NUMB: variants seen among roughly 807,000 people sequenced by gnomAD.
NUMB encodes NUMB endocytic adaptor protein.
A neutral mutation model predicts 59.7 loss-of-function variants in NUMB; 29 were observed. The observed-to-expected ratio is 0.49, with a 90% CI of 0.36 to 0.66. The LOEUF (loss-of-function observed/expected upper bound fraction) is 0.66. NUMB is among the 30% of genes least tolerant of loss of function. The pLI is 0.00. For synonymous variants in NUMB, 288 were observed against 288.2 expected, an observed-to-expected ratio of 1.00 and a Z score of 0.01; for missense variants, 723 against 822.0, an observed-to-expected ratio of 0.88 and a Z score of 1.47.
At position 73,357,070 on chromosome 14, in the gene NUMB, A is replaced by G. The variant is rs779258353; in HGVS notation, c.-15-1304T>C. On this transcript the variant is annotated intron_variant, in intron 3 of 12. Transcript: ENST00000555238. Reference sequence around the variant, plus strand: ...CGATAATCATTATAGTAACATAAAAAAAATGACAAAGGTACAAGTTTCATT... The same window carrying G: ...CGATAATCATTATAGTAACATAAAAGAAATGACAAAGGTACAAGTTTCATT... 6 of 916,344 alleles carry G rather than the reference A, an allele frequency of 6.5e-6. No homozygotes were observed. The South Asian group carries it at 2.0e-4, about 31-fold the overall frequency. 56.8% of individuals were successfully genotyped at this position (916,344 alleles called of 1,614,324 possible).
chr14:73,457,255 C>T (rs1884444251), intron 1 of NUMB, among the ~76,000 whole-genome samples: 1 of 152,130 alleles, frequency 6.6e-6, no homozygotes. Context: ...TCCCAAATTC[C>T]CCACCCTGTC....
At chr14:73,328,653 T>C (rs1201429549) in intron 4 of NUMB, among the ~76,000 whole-genome samples, 1 of 152,256 alleles carries the variant, frequency 6.6e-6, no homozygotes, top group East Asian at 1.9e-4. Flanking sequence ...ATATCCCTAA[T>C]GACTGATAGT....
Position 73,281,056 on chromosome 14 carries a change from T to A in NUMB, c.1096+1303A>T, listed in dbSNP as rs183885306. On this transcript the variant is annotated intron_variant, in intron 11 of 12. Transcript: ENST00000555238. ...CTTTGCTTTTTTGGTGGCAAAAAAA[T>A]TTTTTTTTTCACCTAGAAACTGGGA... Among the ~76,000 whole-genome samples, 914 of 150,790 alleles carry A rather than the reference T, an allele frequency of 6.1e-3. 7 individuals carry two copies. Among genetic ancestry groups the A allele is most frequent in the African/African-American group, 0.011 (444 of 41,144 alleles).
chr14:73,353,072 G>GTTTTTATTTT, intron 4 of NUMB, among the ~76,000 whole-genome samples: 1 of 58,522 alleles, frequency 1.7e-5, no homozygotes, highest in African/African-American at 5.7e-5. Flanking sequence ...AGTTTTTCTT[G>GTTTTTATTTT]TTTTTTTTTT....
At chr14:73,451,900 G>A (rs1377276860) in intron 1 of NUMB, among the ~76,000 whole-genome samples, 4 of 152,038 alleles carry the variant, frequency 2.6e-5, no homozygotes, top group African/African-American at 9.7e-5. Flanking sequence ...ATATAATCAA[G>A]TTACCATAAT....
At chr14:73,335,363 G>C (rs1261562393) in intron 4 of NUMB, among the ~76,000 whole-genome samples, 2 of 145,270 alleles carry the variant, frequency 1.4e-5, no homozygotes, top group Non-Finnish European at 3.0e-5. Context: ...TTTCATTTAT[G>C]AACTATTATA....
At chr14:73,370,503 C>CA (rs1894611087) in intron 2 of NUMB, among the ~76,000 whole-genome samples, 4 of 152,086 alleles carry the variant, frequency 2.6e-5, no homozygotes, top group African/African-American at 7.2e-5. Context: ...ACCAGCCTGA[C>CA]CAACATGGAG....
intron 3 of NUMB, among the ~76,000 whole-genome samples, chr14:73,360,249 T>C (rs866003108): frequency 1.3e-5 from 2 of 152,310 alleles, no homozygotes; most frequent in South Asian, 2.1e-4. Flanking sequence ...ACACAGTACA[T>C]GTTAGCATAT....
At chr14:73,374,058 G>C (rs1050287661) in intron 2 of NUMB, among the ~76,000 whole-genome samples, 1 of 151,968 alleles carries the variant, frequency 6.6e-6, no homozygotes, top group Non-Finnish European at 1.5e-5. Context: ...TAGTAGATAC[G>C]GGGTTTCACC....
At position 73,276,413 on chromosome 14, in the gene NUMB, T is replaced by C. The variant is rs1212683288; in HGVS notation, c.*165A>G. 9 of 583,416 alleles carry C rather than the reference T, an allele frequency of 1.5e-5. No individual in the cohort carries two copies. The East Asian group carries it at 2.3e-4, about 15-fold the overall frequency. The allele number at this position is 583,416 out of a possible 1,614,324, so 36.1% of individuals were successfully genotyped here. A position where few individuals can be genotyped will look rare whatever the true frequency, so the allele number is the denominator to read the frequency against. ...CTCTAGGAATGCTTTTTCCCATGTC[T>C]TTCAAAATCACCCCTCACAGTACTC... is the stretch of plus-strand genomic sequence containing the variant. On this transcript the variant is annotated 3_prime_UTR_variant, in exon 13 of 13. Transcript: ENST00000555238.
At chr14:73,399,420 G>A (rs778327419) in intron 2 of NUMB, among the ~76,000 whole-genome samples, 7 of 152,102 alleles carry the variant, frequency 4.6e-5, no homozygotes, top group African/African-American at 7.2e-5. Context: ...AAAATTAGCC[G>A]GGTGTGGTGG....
At chr14:73,423,494 C>T (rs1200491306) in intron 1 of NUMB, among the ~76,000 whole-genome samples, 1 of 152,006 alleles carries the variant, frequency 6.6e-6, no homozygotes, top group Non-Finnish European at 1.5e-5. Context: ...ATACAAAAAT[C>T]AGCTGGGCGT....
At chr14:73,324,030 T>C (rs1156478696) in intron 4 of NUMB, among the ~76,000 whole-genome samples, 2 of 152,182 alleles carry the variant, frequency 1.3e-5, no homozygotes, top group Non-Finnish European at 2.9e-5. Flanking sequence ...AGCTCTCTTA[T>C]CTGCCCAAAG....
intron 1 of NUMB, among the ~76,000 whole-genome samples, chr14:73,450,332 A>G (rs894052262): frequency 6.6e-6 from 1 of 152,258 alleles, no homozygotes; most frequent in Non-Finnish European, 1.5e-5. Flanking sequence ...ATGGTCACAC[A>G]ATTATAATGA....
chr14:73,379,766 AG>A (rs1895140757), intron 2 of NUMB, among the ~76,000 whole-genome samples: 1 of 152,192 alleles, frequency 6.6e-6, no homozygotes, highest in South Asian at 2.1e-4. Context: ...TTGCAGTGTT[AG>A]AGGAATAACA....
chr14:73,366,092 T>C (rs374396761), intron 3 of NUMB, among the ~76,000 whole-genome samples: 5 of 152,330 alleles, frequency 3.3e-5, no homozygotes, highest in Non-Finnish European at 4.4e-5. Context: ...AATATGGACA[T>C]TTATTCTAAA....
At chr14:73,445,998 T>C (rs930532823) in intron 1 of NUMB, among the ~76,000 whole-genome samples, 3 of 145,950 alleles carry the variant, frequency 2.1e-5, no homozygotes, top group Admixed American at 6.7e-5. Context: ...AATAACTTTT[T>C]CTTTTTTTTT....
intron 2 of NUMB, among the ~76,000 whole-genome samples, chr14:73,388,352 T>A (rs1000862940): frequency 2.6e-5 from 4 of 152,324 alleles, no homozygotes; most frequent in Non-Finnish European, 5.9e-5. Context: ...ACTAAAATTC[T>A]GGAAAACCTT....
chr14:73,309,159 GT>G (rs1890626872), intron 6 of NUMB, among the ~76,000 whole-genome samples: 1 of 152,146 alleles, frequency 6.6e-6, no homozygotes, highest in South Asian at 2.1e-4. Context: ...AACACAGATA[GT>G]TCATCCCTTG....
Sources: allele counts gnomAD v4.1 joint callset (sites outside exome capture counted in the v4.1 genomes callset), GRCh38; gene constraint gnomAD v4.1.1; transcripts MANE v1.5; gene names NCBI Gene and HGNC (gene_info 2026-07-23, HGNC 2026-07-21).